Variants in CNTN6 observed in about 807,000 individuals in gnomAD.
The protein encoded by CNTN6 is contactin-6.
In CNTN6, 137 loss-of-function variants were observed where a neutral mutation model predicts 122.8. The ratio of observed to expected loss-of-function variants is 1.12; its 90% CI spans 0.97 to 1.29. CNTN6 has a LOEUF of 1.29. Ranked by LOEUF, CNTN6 falls within the 50% of genes most tolerant of loss-of-function variation. The pLI, the probability that CNTN6 is intolerant of heterozygous loss-of-function variation, is 0.00. For missense variants in CNTN6, 1,634 were observed against 1,223.4 expected, an observed-to-expected ratio of 1.34 and a Z score of -5.01; for synonymous variants, 570 against 426.0, an observed-to-expected ratio of 1.34 and a Z score of -4.16.
At chr3:1,182,872 TAG>T (rs2093577386) in intron 2 of CNTN6, among the ~76,000 whole-genome samples, 1 of 152,090 alleles carries the variant, frequency 6.6e-6, no homozygotes, top group Non-Finnish European at 1.5e-5. Context: ...AAAGTCATCC[TAG>T]AGAGGTCTAT....
chr3:1,142,968 GTATATATATATATA>G (rs3043051), intron 1 of CNTN6, among the ~76,000 whole-genome samples: 22,868 of 128,712 alleles, frequency 0.18, 2,361 homozygotes, highest in East Asian at 0.42. Context: ...GTGTGTGTGT[GTATATATATATATA>G]TATATATATA....
chr3:1,137,988 A>T (rs2092521352), intron 1 of CNTN6, among the ~76,000 whole-genome samples: 1 of 152,178 alleles, frequency 6.6e-6, no homozygotes, highest in Admixed American at 6.5e-5. Flanking sequence ...CAGCCCTTCA[A>T]ATATTTGAAG....
In CNTN6 at chr3:1,100,292, G is replaced by C. The variant is rs557818521; in HGVS notation, c.-83+7172G>C. On this transcript the variant is annotated intron_variant, in intron 1 of 22. Transcript: ENST00000446702. ...GTAGTTCATCAGAGCACTCTATGTGGAAGATACTTTTCTCTCAACAATTTT... is the reference window on the plus strand; with the variant it reads ...GTAGTTCATCAGAGCACTCTATGTGCAAGATACTTTTCTCTCAACAATTTT... 3.3e-5 allele frequency among the ~76,000 whole-genome samples: 5 copies of C among 152,200 alleles called. No homozygotes were observed. The South Asian group carries it at 1.0e-3, about 32-fold the overall frequency.
chr3:1,376,961 T>C, intron 16 of CNTN6, 44 bp from the exon 17 acceptor site: 3 of 1,311,366 alleles, frequency 2.3e-6, no homozygotes, highest in Non-Finnish European at 3.3e-6. Flanking sequence ...GATGAAGACG[T>C]ACTTTAATAA....
chr3:1,103,018 A>G (rs1180096258), intron 1 of CNTN6, among the ~76,000 whole-genome samples: 2 of 151,272 alleles, frequency 1.3e-5, no homozygotes, highest in African/African-American at 2.4e-5. Flanking sequence ...AGGCAGGAGA[A>G]TGGCGGGAAC....
intron 2 of CNTN6, among the ~76,000 whole-genome samples, chr3:1,213,593 T>A (rs1035159702): frequency 2.6e-5 from 4 of 151,868 alleles, no homozygotes; most frequent in African/African-American, 9.7e-5. Flanking sequence ...TAAAAATTAT[T>A]AATATTGGGT....
chr3:1,357,550 G>C (rs997514293), intron 12 of CNTN6, among the ~76,000 whole-genome samples: 1 of 151,974 alleles, frequency 6.6e-6, no homozygotes. Context: ...TGAGGAATAG[G>C]TTGCTAAAAC....
intron 7 of CNTN6, among the ~76,000 whole-genome samples, chr3:1,317,833 C>G (rs971209655): frequency 6.7e-6 from 1 of 149,076 alleles, no homozygotes; most frequent in Admixed American, 6.7e-5. Flanking sequence ...GTGGTCAGCC[C>G]AACTGAAATG....
intron 7 of CNTN6, among the ~76,000 whole-genome samples, chr3:1,318,604 C>T (rs1178342685): frequency 6.6e-6 from 1 of 151,590 alleles, no homozygotes; most frequent in East Asian, 1.9e-4. Flanking sequence ...GAGATAGTAG[C>T]CAAGCTCGGT....
intron 20 of CNTN6, among the ~76,000 whole-genome samples, chr3:1,389,768 T>C (rs376255199): frequency 6.8e-6 from 1 of 146,768 alleles, no homozygotes; most frequent in Non-Finnish European, 1.5e-5. Flanking sequence ...TCCTAGTCTC[T>C]GATAAAACAG....
chr3:1,320,167 C>T (rs928144201), intron 7 of CNTN6, among the ~76,000 whole-genome samples: 1 of 151,598 alleles, frequency 6.6e-6, no homozygotes, highest in African/African-American at 2.4e-5. Context: ...AGGACAAAAA[C>T]TTAGTATATG....
At position 1,097,092 on chromosome 3, in the gene CNTN6, A is replaced by AG. The variant is rs372157300; in HGVS notation, c.-83+3973dup. 3.6e-3 allele frequency among the ~76,000 whole-genome samples: 544 copies of AG among 152,330 alleles called. 5 individuals are homozygous for AG. The highest frequency in any genetic ancestry group is 0.012 in the African/African-American group (499 of 41,578). On this transcript the variant is annotated intron_variant, in intron 1 of 22. Transcript: ENST00000446702. Reference sequence around the variant, plus strand: ...AAAAGAGCTGTTCTAGTTAAGACTGAGTTCATCTGCATGATGTGTTGTAGT... The same window carrying AG: ...AAAAGAGCTGTTCTAGTTAAGACTGAGGTTCATCTGCATGATGTGTTGTAGT...
chr3:1,146,873 C>T (rs1321757328), intron 1 of CNTN6, among the ~76,000 whole-genome samples: 4 of 152,014 alleles, frequency 2.6e-5, no homozygotes, highest in South Asian at 2.1e-4. Flanking sequence ...GATATGAGAA[C>T]ATTTGAGAAA....
chr3:1,315,457 T>A (rs1559798770), intron 7 of CNTN6, among the ~76,000 whole-genome samples: 2 of 151,966 alleles, frequency 1.3e-5, no homozygotes, highest in South Asian at 2.1e-4. Flanking sequence ...AGGTAATAAT[T>A]TAGTTGAAAT....
chr3:1,099,370 G>T (rs1574830132), intron 1 of CNTN6, among the ~76,000 whole-genome samples: 1 of 152,046 alleles, frequency 6.6e-6, no homozygotes, highest in Non-Finnish European at 1.5e-5. Flanking sequence ...AGAATGGCGG[G>T]AACCCGGGGG....
chr3:1,313,734 G>A (rs1309884175), intron 7 of CNTN6, among the ~76,000 whole-genome samples: 1 of 152,040 alleles, frequency 6.6e-6, no homozygotes, highest in African/African-American at 2.4e-5. Flanking sequence ...AAATACTGTA[G>A]ACTTGTAAAC....
chr3:1,132,409 T>A lies in CNTN6; in HGVS notation c.-82-15518T>A, dbSNP rs1476929032. 3.3e-5 allele frequency among the ~76,000 whole-genome samples: 5 copies of A among 152,214 alleles called. No individual in the cohort carries two copies. In the East Asian group the frequency reaches 9.7e-4, roughly 29 times the overall value. On this transcript the variant is annotated intron_variant, in intron 1 of 22. Transcript: ENST00000446702. ...TCCTAAAAATCAGTTATCTCATTGA[T>A]GACACACCAGAGATATATGTTTTTT...
intron 1 of CNTN6, among the ~76,000 whole-genome samples, chr3:1,119,518 G>A (rs1222877409): frequency 1.3e-5 from 2 of 151,934 alleles, no homozygotes; most frequent in African/African-American, 4.8e-5. Context: ...TTGAAAGAGA[G>A]CATCATAGAA....
chr3:1,107,161 C>T (rs2091264792), intron 1 of CNTN6, among the ~76,000 whole-genome samples: 1 of 152,034 alleles, frequency 6.6e-6, no homozygotes, highest in African/African-American at 2.4e-5. Flanking sequence ...ATGGGCAAAC[C>T]ATAGCCTAGT....
Sources: gnomAD v4.1 joint callset for allele counts (sites outside exome capture counted in the v4.1 genomes callset) on GRCh38, gnomAD v4.1.1 for gene constraint, MANE v1.5 for transcripts, NCBI Gene and HGNC (gene_info 2026-07-23, HGNC 2026-07-21) for gene names.